Variants in PCDHGA3 observed in about 807,000 individuals in gnomAD.
PCDHGA3 encodes the protein protocadherin gamma-A3.
PCDHGA3 carries 40 observed loss-of-function variants against 58.5 expected under a neutral mutation model. The ratio of observed to expected loss-of-function variants is 0.68; its 90% CI spans 0.53 to 0.89. The LOEUF (loss-of-function observed/expected upper bound fraction) is 0.89, where lower values mean the gene tolerates loss of function less well. Ranked by LOEUF, PCDHGA3 falls within the 40% of genes least tolerant of loss-of-function variation. The probability of loss-of-function intolerance (pLI) is 0.00; values close to 1 mark genes in which losing one functional copy is unlikely to be tolerated. For synonymous variants in PCDHGA3, 530 were observed against 525.7 expected (o/e 1.01, Z -0.11); for missense variants, 1,223 against 1,195.9 (o/e 1.02, Z -0.33).
intron 3 of PCDHGA3, among the ~76,000 whole-genome samples, chr5:141,507,714 C>T (rs1425955843): frequency 6.6e-6 from 1 of 152,280 alleles, no homozygotes; most frequent in Non-Finnish European, 1.5e-5. Flanking sequence ...GCCCCAAACC[C>T]TCCAAGCAAG....
At chr5:141,435,050 C>A (rs2154556494) in intron 1 of PCDHGA3, among the ~76,000 whole-genome samples, 1 of 151,994 alleles carries the variant, frequency 6.6e-6, no homozygotes, top group East Asian at 1.9e-4. Flanking sequence ...TCCCATTGAC[C>A]ATGCAGCAGT....
intron 1 of PCDHGA3, chr5:141,362,028 C>T (rs749282896): frequency 6.2e-7 from 1 of 1,608,888 alleles, no homozygotes; most frequent in East Asian, 2.2e-5. Flanking sequence ...CAGCGCGTGC[C>T]TTGGGCGACA....
intron 1 of PCDHGA3, among the ~76,000 whole-genome samples, chr5:141,469,914 C>T (rs1451982311): frequency 6.6e-6 from 1 of 152,082 alleles, no homozygotes. Flanking sequence ...GCAGACCACC[C>T]GAGGTCAGGA....
intron 1 of PCDHGA3, chr5:141,398,966 C>T: frequency 6.2e-7 from 1 of 1,613,962 alleles, no homozygotes; most frequent in Non-Finnish European, 8.5e-7. Flanking sequence ...ATTACTTATT[C>T]CTTCTACAGA....
At chr5:141,390,414 G>A in intron 1 of PCDHGA3, 1 of 1,159,988 alleles carries the variant, frequency 8.6e-7, no homozygotes, top group Non-Finnish European at 1.2e-6. Context: ...GTTGTAGTCA[G>A]TTAAAAAGCT....
chr5:141,354,940 G>T (rs1298190713), intron 1 of PCDHGA3: 4 of 423,462 alleles, frequency 9.4e-6, no homozygotes, highest in African/African-American at 2.0e-5. Flanking sequence ...TTTTAACCAA[G>T]AATAAATTGC....
chr5:141,439,066 G>A (rs1004595196), intron 1 of PCDHGA3, among the ~76,000 whole-genome samples: 2 of 151,258 alleles, frequency 1.3e-5, no homozygotes, highest in African/African-American at 2.4e-5. Context: ...TGTGGCAGGC[G>A]CCTGTAATCC....
At chr5:141,410,340 T>G in intron 1 of PCDHGA3, 1 of 1,614,068 alleles carries the variant, frequency 6.2e-7, no homozygotes, top group Non-Finnish European at 8.5e-7. Flanking sequence ...GCCATTGCCT[T>G]GCGCCTGCGA....
At chr5:141,378,061 A>G (rs1285707649) in intron 1 of PCDHGA3, 4 of 152,212 alleles carry the variant, frequency 2.6e-5, no homozygotes, top group African/African-American at 9.7e-5. Flanking sequence ...TCTGACTCAA[A>G]TTCTAAGAAA....
At chr5:141,351,578 G>T (rs758216831) in intron 1 of PCDHGA3, 12 of 1,613,878 alleles carry the variant, frequency 7.4e-6, no homozygotes, top group Non-Finnish European at 1.0e-5. Flanking sequence ...GCACATCTCC[G>T]ACATCAACGA....
chr5:141,383,112 G>A (rs1167934535), intron 1 of PCDHGA3: 7 of 1,614,042 alleles, frequency 4.3e-6, no homozygotes, highest in East Asian at 2.2e-5. Context: ...CCAGAGGTAG[G>A]ACGCAGCTTT....
intron 1 of PCDHGA3, chr5:141,417,624 G>A (rs2096138947): frequency 1.5e-6 from 1 of 672,584 alleles, no homozygotes; most frequent in Non-Finnish European, 2.4e-6. Flanking sequence ...CAGAGCAAGC[G>A]CTGACGCCGG....
chr5:141,508,091 GCCC>G (rs2099866180), intron 3 of PCDHGA3: 1 of 152,482 alleles, frequency 6.6e-6, no homozygotes, highest in Non-Finnish European at 1.5e-5. Flanking sequence ...TGCTGCCTTG[GCCC>G]TGGGATGGGG....
Position 141,348,442 on chromosome 5 carries a change from G to GA in PCDHGA3, c.2424+1994dup, listed in dbSNP as rs201369878. Among the ~76,000 whole-genome samples the GA allele has an allele frequency of 3.6e-3, 537 of 150,530 alleles. 3 individuals carry two copies. Among genetic ancestry groups the GA allele is most frequent in the African/African-American group, 0.011 (441 of 41,056 alleles). On this transcript the variant is annotated intron_variant, in intron 1 of 3. Coordinates refer to ENST00000253812, the MANE Select transcript of PCDHGA3 (RefSeq NM_018916.4). ...CGTAACTTTTAACATATCATTTTTA[G>GA]AAAAAAAAATGTTTATAGTATTAGT...
At chr5:141,371,657 G>A in intron 1 of PCDHGA3, 1 of 1,613,988 alleles carries the variant, frequency 6.2e-7, no homozygotes, top group Non-Finnish European at 8.5e-7. Context: ...ACAATGTGAC[G>A]ATCACAGCTA....
chr5:141,351,403 T>C, intron 1 of PCDHGA3: 7 of 1,611,574 alleles, frequency 4.3e-6, no homozygotes, highest in Non-Finnish European at 5.1e-6. Context: ...TGACATGCTA[T>C]ACTCAGGAAG....
intron 1 of PCDHGA3, chr5:141,357,269 C>G: frequency 1.2e-6 from 2 of 1,613,812 alleles, no homozygotes; most frequent in East Asian, 4.5e-5. Flanking sequence ...TCGGGCCTCA[C>G]ACTCTATCTC....
intron 1 of PCDHGA3, chr5:141,419,908 C>T: frequency 1.2e-6 from 2 of 1,613,976 alleles, no homozygotes; most frequent in Non-Finnish European, 1.7e-6. Context: ...CACCCTCTGA[C>T]TCCCAGGCTG....
Position 141,512,594 on chromosome 5 carries a change from G to C in PCDHGA3, c.*1421G>C, listed in dbSNP as rs981124898. On this transcript the variant is annotated 3_prime_UTR_variant, in exon 4 of 4. Transcript: ENST00000253812. ...CACCCCCTTCTGCCCCTGGGTCCCC[G>C]GCCATCCAGCGGGGCTGCCAGAGAA... 1 of 152,812 alleles carries C rather than the reference G, an allele frequency of 6.5e-6. No homozygotes were observed. The highest frequency in any genetic ancestry group is 6.5e-5 in the Admixed American group (1 of 15,280). The allele number at this position is 152,812 out of a possible 1,614,324, so 9.5% of individuals were successfully genotyped here. A position where few individuals can be genotyped will look rare whatever the true frequency, so the allele number is the denominator to read the frequency against.
Sources: gnomAD v4.1 joint callset for allele counts (sites outside exome capture counted in the v4.1 genomes callset) on GRCh38, gnomAD v4.1.1 for gene constraint, MANE v1.5 for transcripts, NCBI Gene and HGNC (gene_info 2026-07-23, HGNC 2026-07-21) for gene names.